SLC28A1: variants seen among roughly 807,000 people sequenced by gnomAD.
SLC28A1 encodes solute carrier family 28 member 1, also known as sodium/nucleoside cotransporter 1.
SLC28A1 carries 64 observed loss-of-function variants against 74.8 expected under a neutral mutation model. That is an observed-to-expected ratio of 0.86 (90% CI 0.70 to 1.05). The LOEUF is 1.05. SLC28A1 is among the 50% of genes least tolerant of loss of function. The pLI, the probability that SLC28A1 is intolerant of heterozygous loss-of-function variation, is 0.00. For synonymous variants in SLC28A1, 359 were observed against 335.0 expected, an observed-to-expected ratio of 1.07 and a Z score of -0.78; for missense variants, 828 against 822.8, an observed-to-expected ratio of 1.01 and a Z score of -0.08.
At chr15:84,905,394 G>T (rs934135872) in intron 7 of SLC28A1, 145 bp from the exon 8 acceptor site, 12 of 677,554 alleles carry the variant, frequency 1.8e-5, no homozygotes, top group Non-Finnish European at 3.0e-5. Flanking sequence ...CAGGGAGGGT[G>T]TGACCACTGG....
intron 11 of SLC28A1, among the ~76,000 whole-genome samples, chr15:84,922,256 G>A (rs1343541470): frequency 6.6e-6 from 1 of 152,188 alleles, no homozygotes. Flanking sequence ...GGACTGACAG[G>A]TCAACTGGCC....
intron 12 of SLC28A1, among the ~76,000 whole-genome samples, chr15:84,927,998 C>T (rs1159066743): frequency 6.6e-6 from 1 of 152,152 alleles, no homozygotes; most frequent in Admixed American, 6.5e-5. Flanking sequence ...AAAAGAATAA[C>T]GCTGGTGTTC....
the SLC28A1 span, among the ~76,000 whole-genome samples, chr15:84,972,586 A>G: frequency 6.6e-6 from 1 of 152,222 alleles, no homozygotes; most frequent in African/African-American, 2.4e-5. Flanking sequence ...CAATAATCTC[A>G]ATACTTCTAG....
intron 13 of SLC28A1, 106 bp downstream of exon 13, chr15:84,933,381 G>A (rs1971534362): frequency 7.2e-7 from 1 of 1,381,342 alleles, no homozygotes; most frequent in Non-Finnish European, 1.0e-6. Flanking sequence ...ACTAGCCTGG[G>A]CCCATCTCTC....
chr15:84,911,117 C>T (rs540674733), intron 9 of SLC28A1, among the ~76,000 whole-genome samples: 85 of 152,272 alleles, frequency 5.6e-4, no homozygotes, highest in African/African-American at 1.9e-3. Context: ...AGCTGCTGTC[C>T]GCCAGAGCGC....
chr15:84,957,603 C>A, the SLC28A1 span, among the ~76,000 whole-genome samples: 1 of 152,080 alleles, frequency 6.6e-6, no homozygotes, highest in Non-Finnish European at 1.5e-5. Flanking sequence ...TGTTTTGGCA[C>A]CGTTGTCAAA....
intron 12 of SLC28A1, among the ~76,000 whole-genome samples, chr15:84,927,685 T>G (rs1970672110): frequency 6.6e-6 from 1 of 152,182 alleles, no homozygotes; most frequent in African/African-American, 2.4e-5. Context: ...GCTTCTGGTC[T>G]CCGTGCCCTG....
At chr15:84,934,967 G>C in intron 13 of SLC28A1, 59 bp from the exon 14 acceptor site, 2 of 1,455,830 alleles carry the variant, frequency 1.4e-6, no homozygotes, top group Non-Finnish European at 1.9e-6. Context: ...CTATAGGATA[G>C]GGACCCTTGC....
At chr15:84,965,685 G>A in the SLC28A1 span, among the ~76,000 whole-genome samples, 20,488 of 152,108 alleles carry the variant, frequency 0.13, 2,373 homozygotes, top group African/African-American at 0.32. Flanking sequence ...ACTTGTCCTG[G>A]TTTGCCTGAG....
intron 13 of SLC28A1, 53 bp from the exon 14 acceptor site, chr15:84,934,973 C>G: frequency 6.6e-7 from 1 of 1,517,000 alleles, no homozygotes; most frequent in Middle Eastern, 1.7e-4. Context: ...GATAGGGACC[C>G]TTGCTGGTTG....
At chr15:84,912,840 A>ACG (rs1968541022) in intron 9 of SLC28A1, among the ~76,000 whole-genome samples, 1 of 129,198 alleles carries the variant, frequency 7.7e-6, no homozygotes, top group Non-Finnish European at 1.9e-5. Context: ...ACACACACAC[A>ACG]CACACACAGA....
At chr15:84,895,823 T>C in intron 6 of SLC28A1, 1 of 1,096,404 alleles carries the variant, frequency 9.1e-7, no homozygotes, top group Non-Finnish European at 1.1e-6. Flanking sequence ...CAATACTCTA[T>C]TTTGTTGATG....
chr15:84,893,591 A>T (rs1596210656), intron 5 of SLC28A1, among the ~76,000 whole-genome samples: 1 of 151,398 alleles, frequency 6.6e-6, no homozygotes, highest in African/African-American at 2.4e-5. Context: ...ATCTATCATT[A>T]CTCCTCAAGT....
chr15:84,905,944 C>CT (rs1472513680), intron 8 of SLC28A1, among the ~76,000 whole-genome samples: 1 of 119,584 alleles, frequency 8.4e-6, no homozygotes, highest in Non-Finnish European at 1.8e-5. Context: ...AAAAAAAAAC[C>CT]CAAATCTGCA....
intron 8 of SLC28A1, among the ~76,000 whole-genome samples, chr15:84,905,880 G>A (rs1192695752): frequency 2.0e-5 from 3 of 151,902 alleles, no homozygotes; most frequent in Non-Finnish European, 4.4e-5. Flanking sequence ...TCTTTCCAGA[G>A]GCTGGGTCTG....
At chr15:84,952,636 AG>A in the SLC28A1 span, among the ~76,000 whole-genome samples, 5 of 152,258 alleles carry the variant, frequency 3.3e-5, no homozygotes, top group African/African-American at 1.2e-4. Flanking sequence ...CTGTAATCCC[AG>A]CACTTTGGGA....
chr15:84,910,675 C>G (rs1441716896), intron 9 of SLC28A1, among the ~76,000 whole-genome samples: 1 of 152,174 alleles, frequency 6.6e-6, no homozygotes, highest in Non-Finnish European at 1.5e-5. Flanking sequence ...TTGCAGTGAG[C>G]TGAGATCATG....
At chr15:84,962,831 G>A in the SLC28A1 span, among the ~76,000 whole-genome samples, 7 of 152,226 alleles carry the variant, frequency 4.6e-5, 1 homozygote, top group African/African-American at 1.4e-4. Context: ...TCTAGGCAGT[G>A]TCCAAAGGTG....
rs766159497 is a variant in SLC28A1, at chr15:84,933,297, G to A, written c.1214+22G>A. 7.5e-6 allele frequency: 12 copies of A among 1,610,368 alleles called. No individual in the cohort carries two copies. The South Asian group carries it at 1.3e-4, about 18-fold the overall frequency. On this transcript the variant is annotated intron_variant, in intron 13 of 18. Coordinates refer to ENST00000394573, the MANE Select transcript of SLC28A1 (RefSeq NM_004213.5). ...ATGGGTGAGCACAGCAGGAGGTCCT[G>A]CAGACAGGGTAGTGGTACAAGGTGG...
Sources: gnomAD v4.1 joint callset for allele counts (sites outside exome capture counted in the v4.1 genomes callset) on GRCh38, gnomAD v4.1.1 for gene constraint, MANE v1.5 for transcripts, NCBI Gene and HGNC (gene_info 2026-07-23, HGNC 2026-07-21) for gene names.